NOP16: variants seen among roughly 807,000 people sequenced by gnomAD.
NOP16 encodes NOP16 nucleolar protein.
NOP16 carries 14 observed loss-of-function variants against 22.7 expected under a neutral mutation model. The observed-to-expected ratio is 0.62, with a 90% CI of 0.41 to 0.97. The LOEUF is 0.97. NOP16 is among the 50% of genes least tolerant of loss of function. The pLI is 0.00. For synonymous variants in NOP16, 80 were observed against 83.6 expected (o/e 0.96, Z 0.23); for missense variants, 198 against 235.9 (o/e 0.84, Z 1.05).
At chr5:176,387,993 G>A (rs1171108895) in intron 2 of NOP16, among the ~76,000 whole-genome samples, 1 of 152,224 alleles carries the variant, frequency 6.6e-6, no homozygotes, top group Non-Finnish European at 1.5e-5. Context: ...ATGCTAATGG[G>A]TTAATTTCAG....
At chr5:176,387,268 T>C (rs1755938296) in intron 2 of NOP16, among the ~76,000 whole-genome samples, 2 of 151,950 alleles carry the variant, frequency 1.3e-5, no homozygotes, top group Non-Finnish European at 2.9e-5. Context: ...TTAGTAGAGA[T>C]GGGGTTTTGC....
rs141048893 is a variant in NOP16, at chr5:176,388,590, A to G, written c.-51T>C. The G allele has an allele frequency of 0.013, 19,490 of 1,520,116 alleles. 148 individuals are homozygous for G. Among genetic ancestry groups the G allele is most frequent in the Non-Finnish European group, 0.015 (16,683 of 1,104,070 alleles). 94.2% of individuals were successfully genotyped at this position (1,520,116 alleles called of 1,614,324 possible). A position where few individuals can be genotyped will look rare whatever the true frequency, so the allele number is the denominator to read the frequency against. The stretch of plus-strand genomic sequence containing the variant: ...CAAACACGCTGCCTCTGTCTCTCAG[A>G]CCTCGTGTAACAAACTCCTTCCGGA... On this transcript the variant is annotated 5_prime_UTR_variant, in exon 1 of 5. Transcript: ENST00000614830.
In NOP16 at chr5:176,388,552, C is replaced by A; in HGVS notation, c.-13G>T. 6.2e-7 allele frequency: 1 copy of A among 1,601,934 alleles called. No homozygotes were observed. The highest frequency in any genetic ancestry group is 8.5e-7 in the Non-Finnish European group (1 of 1,170,298). ...TGGCCTTGGGCATCGCGCTGACCACCGCACCAGCAGCTCAAACACGCTGCC... is the reference window on the plus strand; with the variant it reads ...TGGCCTTGGGCATCGCGCTGACCACAGCACCAGCAGCTCAAACACGCTGCC... On this transcript the variant is annotated 5_prime_UTR_variant, in exon 1 of 5. Transcript: ENST00000614830.
intron 3 of NOP16, 121 bp from the exon 4 acceptor site, chr5:176,385,448 G>T: frequency 1.5e-6 from 1 of 649,806 alleles, no homozygotes; most frequent in South Asian, 1.8e-5. Flanking sequence ...CAACCACCTG[G>T]GGGTCTTTGC....
At chr5:176,387,990 T>C (rs1756022004) in intron 2 of NOP16, among the ~76,000 whole-genome samples, 1 of 152,114 alleles carries the variant, frequency 6.6e-6, no homozygotes, top group Admixed American at 6.5e-5. Flanking sequence ...GAGATGCTAA[T>C]GGGTTAATTT....
chr5:176,385,199 C>T, intron 4 of NOP16, 22 bp downstream of exon 4: 1 of 1,439,820 alleles, frequency 6.9e-7, no homozygotes, highest in Non-Finnish European at 9.8e-7. Flanking sequence ...CCCAGCCAGC[C>T]CACGGGGCCT....
At chr5:176,387,936 G>A (rs1010848584) in intron 2 of NOP16, among the ~76,000 whole-genome samples, 4 of 152,188 alleles carry the variant, frequency 2.6e-5, no homozygotes, top group African/African-American at 9.7e-5. Context: ...GTACTAATTA[G>A]GAAAGTTAAG....
chr5:176,384,741 C>A, intron 4 of NOP16: 1 of 354,848 alleles, frequency 2.8e-6, no homozygotes, highest in South Asian at 5.1e-5. Flanking sequence ...CTGAACTCCA[C>A]CCTGGGTGAC....
chr5:176,384,084 G>A lies in NOP16; in HGVS notation c.*147C>T, dbSNP rs565193374. On this transcript the variant is annotated 3_prime_UTR_variant, in exon 5 of 5. Transcript: ENST00000614830. ...AACAGTTCCTTCCCCAGAGCGGGGA[G>A]TGTGCACGTGTGTGTGTAACCTTCT... 84 of 1,597,052 alleles carry A rather than the reference G, an allele frequency of 5.3e-5. No homozygotes were observed. The highest frequency in any genetic ancestry group is 3.3e-4 in the Middle Eastern group (2 of 6,050).
chr5:176,384,029 C>G lies in NOP16; in HGVS notation c.*202G>C, dbSNP rs764851150. 3.6e-5 allele frequency: 55 copies of G among 1,541,248 alleles called. No individual in the cohort carries two copies. The highest frequency in any genetic ancestry group is 4.8e-5 in the Non-Finnish European group (55 of 1,148,874). On this transcript the variant is annotated 3_prime_UTR_variant, in exon 5 of 5. Coordinates refer to ENST00000614830, the MANE Select transcript of NOP16 (RefSeq NM_016391.8). ...GCAGGTTCTGGCTTTTCCGTGAACC[C>G]CCAGATGAATATAAATTGGAGCCTC...
In NOP16 at chr5:176,386,821, A is replaced by G. The variant is rs1320263660; in HGVS notation, c.286+19T>C. On this transcript the variant is annotated intron_variant, in intron 3 of 4. Transcript: ENST00000614830. ...CAGTGCAGGACAGTGACCTAAAGGA[A>G]TATATGGACCACACCCACCATTCAG... The G allele has an allele frequency of 1.2e-6, 2 of 1,609,656 alleles. No homozygotes were observed. The highest frequency in any genetic ancestry group is 1.7e-6 in the Non-Finnish European group (2 of 1,176,108).
rs749169901 is a variant in NOP16, at chr5:176,388,531, C to T, written c.9G>A (p.Lys3=). ...TCTGCCTCCGGGTTTTGCCCTTGGC[C>T]TTGGGCATCGCGCTGACCACCGCAC... is the stretch of plus-strand genomic sequence containing the variant. MP[K]AKGKTRRQKF... is the part of the protein sequence containing the mutation. The change falls in exon 1 of 5, where the codon AAG becomes AAA. Residue 3 remains lysine (K), a synonymous_variant. Coordinates refer to ENST00000614830, the MANE Select transcript of NOP16 (RefSeq NM_016391.8). 37 of 1,611,056 alleles carry T rather than the reference C, an allele frequency of 2.3e-5. No homozygotes were observed. The African/African-American group carries it at 4.3e-4, about 19-fold the overall frequency.
rs1418363241 is a variant in NOP16, at chr5:176,384,071, C to T, written c.*160G>A. On this transcript the variant is annotated 3_prime_UTR_variant, in exon 5 of 5. Transcript: ENST00000614830. ...TGGAGCCTCTGAGAACAGTTCCTTC[C>T]CCAGAGCGGGGAGTGTGCACGTGTG... The T allele has an allele frequency of 3.2e-6, 5 of 1,578,700 alleles. No individual in the cohort carries two copies. The highest frequency in any genetic ancestry group is 4.3e-6 in the Non-Finnish European group (5 of 1,167,804).
intron 2 of NOP16, among the ~76,000 whole-genome samples, chr5:176,387,233 C>A (rs1224598685): frequency 6.6e-6 from 1 of 151,950 alleles, no homozygotes; most frequent in Non-Finnish European, 1.5e-5. Context: ...TCATGCGCCA[C>A]CATGCCCAGC....
chr5:176,386,476 C>A (rs1755853134), intron 3 of NOP16: 7 of 358,142 alleles, frequency 2.0e-5, no homozygotes, highest in Non-Finnish European at 3.3e-5. Flanking sequence ...TACATAAAAT[C>A]GATTTTGTCA....
chr5:176,385,169 C>T (rs758148152), intron 4 of NOP16, 52 bp downstream of exon 4: 13 of 1,018,400 alleles, frequency 1.3e-5, no homozygotes, highest in South Asian at 7.6e-5. Context: ...GATCAAGCCG[C>T]GAATGGTCCA....
intron 2 of NOP16, 80 bp downstream of exon 2, chr5:176,388,155 G>A: frequency 1.9e-6 from 2 of 1,068,824 alleles, no homozygotes; most frequent in Non-Finnish European, 2.8e-6. Flanking sequence ...GGAATGGGCA[G>A]TACCACGTTC....
At position 176,384,260 on chromosome 5, in the gene NOP16, A is replaced by C. The variant is rs574974181; in HGVS notation, c.508T>G (p.Leu170Val). The C allele has an allele frequency of 2.0e-5, 33 of 1,614,220 alleles. No individual in the cohort carries two copies. The African/African-American group carries it at 4.1e-4, about 20-fold the overall frequency. ...PAEWQDFLDS[L>V]QKRKMEVE is the part of the protein sequence containing the mutation. The stretch of plus-strand genomic sequence containing the variant: ...TCCACCTCCATCTTCCTCTTCTGCA[A>C]AGAATCGAGGAAGTCTTGCCACTCT... Residue 170 changes from leucine to valine, a missense_variant, in exon 5 of 5, where the codon TTG becomes GTG. Physicochemically the swap from Leu to Val is conservative, Grantham distance 32. Coordinates refer to ENST00000614830, the MANE Select transcript of NOP16 (RefSeq NM_016391.8).
chr5:176,386,754 T>C, intron 3 of NOP16, 86 bp downstream of exon 3: 1 of 1,176,642 alleles, frequency 8.5e-7, no homozygotes, highest in Non-Finnish European at 1.3e-6. Flanking sequence ...GGTTTCTCCA[T>C]CTGCAAAATG....
Sources: allele counts gnomAD v4.1 joint callset (sites outside exome capture counted in the v4.1 genomes callset), GRCh38; gene constraint gnomAD v4.1.1; transcripts MANE v1.5; gene names NCBI Gene and HGNC (gene_info 2026-07-23, HGNC 2026-07-21).